The following STXBP2 variants were observed in gnomAD, a reference collection of about 807,000 sequenced individuals.
STXBP2 encodes the protein syntaxin-binding protein 2.
Under a neutral mutation model 72.2 loss-of-function variants are expected in STXBP2, and 47 were observed. The observed-to-expected ratio is 0.65, with a 90% CI of 0.51 to 0.83. STXBP2 has a LOEUF of 0.83. Ranked by LOEUF, STXBP2 falls within the 40% of genes least tolerant of loss-of-function variation. The pLI is 0.00. For missense variants in STXBP2, 702 were observed against 807.6 expected (o/e 0.87, Z 1.58); for synonymous variants, 367 against 338.7 (o/e 1.08, Z -0.92).
At chr19:7,640,674 C>A in intron 4 of STXBP2, 57 bp from the exon 5 acceptor site, 1 of 1,610,732 alleles carries the variant, frequency 6.2e-7, no homozygotes, top group Non-Finnish European at 8.5e-7. Flanking sequence ...GAGGCCTAGG[C>A]AGCCAATGAG....
Position 7,644,652 on chromosome 19 carries a change from C to G in STXBP2, c.1146C>G (p.Ile382Met). The G allele has an allele frequency of 6.2e-7, 1 of 1,613,602 alleles. No individual in the cohort carries two copies. Among genetic ancestry groups the G allele is most frequent in the Non-Finnish European group, 8.5e-7 (1 of 1,179,834 alleles). The change falls in exon 14 of 19, where the codon ATC becomes ATG. Residue 382 changes from isoleucine (I) to methionine (M), a missense_variant. Physicochemically the swap from Ile to Met is conservative, Grantham distance 10 (BLOSUM62 1). Transcript: ENST00000221283. ...GCTCCGACGCAGAGGGGGAGAAGAT[C>G]AAGGACTCCATGAAGCTGATCGTTC... ...AMGSDAEGEK[I>M]KDSMKLIVPV...
chr19:7,631,486 A>G, the STXBP2 span: 2 of 1,536,224 alleles, frequency 1.3e-6, no homozygotes, highest in South Asian at 1.2e-5. Flanking sequence ...CAAGAGATAG[A>G]GGAATTCAAA....
rs1470237290 is a variant in STXBP2, at chr19:7,643,157, C to T, written c.1027-8C>T. ...GTTATCCCCCAACCCCCACCCTGCA[C>T]CCTGCAGTATTCTACGCACCTGCAT... is the stretch of plus-strand genomic sequence containing the variant. On this transcript the variant is annotated splice_polypyrimidine_tract_variant and splice_region_variant and intron_variant, in intron 12 of 18. Transcript: ENST00000221283. The T allele has an allele frequency of 6.2e-7, 1 of 1,614,108 alleles. No homozygotes were observed. The highest frequency in any genetic ancestry group is 8.5e-7 in the Non-Finnish European group (1 of 1,179,972).
At chr19:7,631,679 C>T in the STXBP2 span, 6 of 1,459,398 alleles carry the variant, frequency 4.1e-6, no homozygotes, top group African/African-American at 7.2e-5. Context: ...ACCCAGGATG[C>T]CTCAGGCCCT....
the STXBP2 span, chr19:7,630,304 T>C: frequency 5.3e-5 from 28 of 529,246 alleles, no homozygotes; most frequent in East Asian, 1.9e-4. Flanking sequence ...GAGATGCTTT[T>C]GATTGTAGCT....
chr19:7,630,671 A>C, the STXBP2 span: 2 of 1,536,396 alleles, frequency 1.3e-6, no homozygotes, highest in Non-Finnish European at 1.7e-6. Context: ...TGGGCATAAG[A>C]GGAGTGTTTG....
At chr19:7,633,059 C>T (rs1482176017), upstream of STXBP2, 9 of 1,366,394 alleles carry the variant, frequency 6.6e-6, no homozygotes, top group South Asian at 3.0e-5. Flanking sequence ...TGCCACTTCA[C>T]GTGGTACCGC....
intron 4 of STXBP2, 71 bp downstream of exon 4, chr19:7,639,878 ATGCATGTGAT>A: frequency 3.3e-6 from 5 of 1,512,034 alleles, no homozygotes; most frequent in South Asian, 1.2e-5. Context: ...GTATGTCTGC[ATGCATGTGAT>A]TGCATGTGTG....
chr19:7,632,488 G>A (rs752525451), upstream of STXBP2: 5 of 1,613,744 alleles, frequency 3.1e-6, no homozygotes, highest in Non-Finnish European at 2.5e-6. The surrounding 1 kb of genome is among the most constrained non-coding windows in gnomAD (Gnocchi z 5.2). Context: ...ATGTCCATGA[G>A]GCTGTCCATC....
At chr19:7,632,358 G>A (rs767669695), upstream of STXBP2, 14 of 1,612,128 alleles carry the variant, frequency 8.7e-6, no homozygotes, top group East Asian at 6.7e-5. This position sits in a 1 kb window ranked among gnomAD's most constrained non-coding sequence, Gnocchi z 5.2. Context: ...ACTGCCTGGC[G>A]GGTTTCTCCT....
At chr19:7,631,279 C>A in the STXBP2 span, 1 of 1,412,146 alleles carries the variant, frequency 7.1e-7, no homozygotes, top group Non-Finnish European at 9.2e-7. Flanking sequence ...TTCCTTATTG[C>A]CTTCTCCTGG....
chr19:7,631,700 G>T, the STXBP2 span: 2 of 1,455,426 alleles, frequency 1.4e-6, no homozygotes, highest in Non-Finnish European at 1.8e-6. Context: ...CAGGGGGCTT[G>T]TGTCGGGGGC....
At chr19:7,640,378 G>T (rs562225081) in intron 4 of STXBP2, 2 of 574,174 alleles carry the variant, frequency 3.5e-6, no homozygotes, top group Non-Finnish European at 6.5e-6. Flanking sequence ...GTGTGTGTGC[G>T]CATCAGTGTC....
intron 4 of STXBP2, chr19:7,640,223 TG>T (rs1469698885): frequency 1.9e-6 from 1 of 539,238 alleles, no homozygotes; most frequent in Non-Finnish European, 3.5e-6. Context: ...TGTCTGCGTC[TG>T]TGTGTGCGTC....
At chr19:7,632,305 C>G, upstream of STXBP2, 1 of 1,567,102 alleles carries the variant, frequency 6.4e-7, no homozygotes, top group Non-Finnish European at 8.7e-7. This position sits in a 1 kb window ranked among gnomAD's most constrained non-coding sequence, Gnocchi z 5.2. Context: ...ATGGGGCAGG[C>G]CCTGTTCCCT....
In STXBP2 at chr19:7,642,697, T is replaced by G. The variant is rs1298653133; in HGVS notation, c.903-69T>G. 1.9e-6 allele frequency: 3 copies of G among 1,538,628 alleles called. No homozygotes were observed. The highest frequency in any genetic ancestry group is 2.7e-6 in the Non-Finnish European group (3 of 1,118,620). On this transcript the variant is annotated intron_variant, in intron 10 of 18. Transcript: ENST00000221283. This position sits in a 1 kb window ranked among gnomAD's most constrained non-coding sequence, Gnocchi z 6.0. ...TCACCCCACCTCTCCCTGTCCCCCCTGAGTGGGCTCACCCATGGCCTGTGG... is the reference window on the plus strand; with the variant it reads ...TCACCCCACCTCTCCCTGTCCCCCCGGAGTGGGCTCACCCATGGCCTGTGG...
upstream of STXBP2, among the ~76,000 whole-genome samples, chr19:7,634,646 A>G (rs11672067): frequency 0.29 from 44,020 of 152,236 alleles, 7,001 homozygotes; most frequent in Non-Finnish European, 0.37. Flanking sequence ...CTGGGATTAC[A>G]GGCATGAGCC....
the STXBP2 span, chr19:7,630,197 A>G: frequency 2.2e-6 from 1 of 453,486 alleles, no homozygotes; most frequent in Non-Finnish European, 3.9e-6. Flanking sequence ...TGACAGGGAG[A>G]TTCCTAGACT....
chr19:7,641,654 G>C, intron 6 of STXBP2, 51 bp from the exon 7 acceptor site: 1 of 1,549,260 alleles, frequency 6.5e-7, no homozygotes, highest in Non-Finnish European at 8.7e-7. Context: ...AAGCGGGGCA[G>C]GTGTGCACCT....
Sources: gnomAD v4.1 joint callset for allele counts (sites outside exome capture counted in the v4.1 genomes callset) on GRCh38, gnomAD v4.1.1 for gene constraint, Gnocchi (gnomAD v3.1) non-coding constraint, MANE v1.5 for transcripts, NCBI Gene and HGNC (gene_info 2026-07-23, HGNC 2026-07-21) for gene names.